Variants in DNER observed in about 807,000 individuals in gnomAD.
The protein encoded by DNER is delta and Notch-like epidermal growth factor-related receptor.
In DNER, 33 loss-of-function variants were observed where a neutral mutation model predicts 78.2. The ratio of observed to expected loss-of-function variants is 0.42; its 90% confidence interval spans 0.32 to 0.56. The LOEUF is 0.56. DNER is among the 20% of genes least tolerant of loss of function. The pLI is 0.11. For synonymous variants in DNER, 417 were observed against 384.8 expected, an observed-to-expected ratio of 1.08 and a Z score of -0.98; for missense variants, 918 against 975.3, an observed-to-expected ratio of 0.94 and a Z score of 0.78.
intron 1 of DNER, among the ~76,000 whole-genome samples, chr2:229,668,418 TTATATA>T (rs59207662): frequency 0.11 from 14,633 of 132,244 alleles, 1,835 homozygotes; most frequent in African/African-American, 0.3. Context: ...AAATATTCTT[TTATATA>T]TATATATATA....
chr2:229,633,867 CCTT>C (rs1291566538), intron 1 of DNER, among the ~76,000 whole-genome samples: 4 of 152,340 alleles, frequency 2.6e-5, no homozygotes, highest in East Asian at 1.9e-4. Context: ...CCTCTAGACT[CCTT>C]CTCTGAAGGT....
chr2:229,649,585 C>T (rs1698775836), intron 1 of DNER, among the ~76,000 whole-genome samples: 1 of 152,178 alleles, frequency 6.6e-6, no homozygotes, highest in Non-Finnish European at 1.5e-5. Flanking sequence ...TATGAGTTGG[C>T]TCCATCACAC....
intron 1 of DNER, among the ~76,000 whole-genome samples, chr2:229,678,459 C>A (rs1242361376): frequency 1.3e-5 from 2 of 152,124 alleles, no homozygotes; most frequent in Non-Finnish European, 2.9e-5. Flanking sequence ...TATTTTAATG[C>A]AGAAATTAGC....
At chr2:229,647,596 T>C (rs1304902698) in intron 1 of DNER, among the ~76,000 whole-genome samples, 1 of 152,240 alleles carries the variant, frequency 6.6e-6, no homozygotes, top group African/African-American at 2.4e-5. Flanking sequence ...AAGGTTTTTA[T>C]ATAAAGACAG....
intron 1 of DNER, among the ~76,000 whole-genome samples, chr2:229,642,664 T>G (rs1408453218): frequency 6.6e-6 from 1 of 152,122 alleles, no homozygotes; most frequent in Admixed American, 6.5e-5. Flanking sequence ...GTAAGGAGAT[T>G]GTGTAAAAAG....
intron 1 of DNER, among the ~76,000 whole-genome samples, chr2:229,604,475 G>T (rs1697895708): frequency 6.6e-6 from 1 of 152,116 alleles, no homozygotes; most frequent in South Asian, 2.1e-4. Context: ...ATCCTTAAGA[G>T]AAGTTGGAGA....
intron 8 of DNER, among the ~76,000 whole-genome samples, chr2:229,424,868 C>T (rs1693840449): frequency 1.3e-5 from 2 of 152,156 alleles, no homozygotes; most frequent in South Asian, 4.1e-4. Flanking sequence ...AGTCGCATCC[C>T]TGACCTCTAC....
intron 10 of DNER, among the ~76,000 whole-genome samples, chr2:229,400,612 C>A (rs915480323): frequency 6.6e-6 from 1 of 151,992 alleles, no homozygotes; most frequent in South Asian, 2.1e-4. Context: ...TAGGAGCCAA[C>A]TGAAAGAACT....
Position 229,625,925 on chromosome 2 carries a change from T to C in DNER, c.277-34037A>G, listed in dbSNP as rs541835281. Reference sequence around the variant, plus strand: ...TGTTGTTGTTGTTGTTGTTTGTTTTTTGTTTTTTTTTTGAGATGGAGTCTC... The same window carrying C: ...TGTTGTTGTTGTTGTTGTTTGTTTTCTGTTTTTTTTTTGAGATGGAGTCTC... On this transcript the variant is annotated intron_variant, in intron 1 of 12. Transcript: ENST00000341772. Among the ~76,000 whole-genome samples the C allele has an allele frequency of 3.9e-3, 586 of 150,800 alleles. 3 individuals are homozygous for C. The highest frequency in any genetic ancestry group is 0.013 in the African/African-American group (549 of 41,042).
intron 12 of DNER, among the ~76,000 whole-genome samples, chr2:229,365,937 T>C (rs1332714424): frequency 6.6e-6 from 1 of 152,232 alleles, no homozygotes; most frequent in Non-Finnish European, 1.5e-5. Flanking sequence ...AATATTGCTA[T>C]TTTTGGAACA....
intron 10 of DNER, among the ~76,000 whole-genome samples, chr2:229,406,786 C>A (rs1693394419): frequency 6.6e-6 from 1 of 151,176 alleles, no homozygotes; most frequent in Non-Finnish European, 1.5e-5. Context: ...AGTCCTGCCC[C>A]GCCAATCTCG....
intron 1 of DNER, among the ~76,000 whole-genome samples, chr2:229,638,212 A>G (rs1372649770): frequency 6.6e-6 from 1 of 152,230 alleles, no homozygotes; most frequent in African/African-American, 2.4e-5. Flanking sequence ...AATATTTTAT[A>G]GACAGTCTAA....
intron 5 of DNER, among the ~76,000 whole-genome samples, chr2:229,536,815 G>C (rs764131140): frequency 6.6e-6 from 1 of 152,022 alleles, no homozygotes; most frequent in Non-Finnish European, 1.5e-5. Flanking sequence ...GTGTGAAATC[G>C]GGCCACACAC....
intron 1 of DNER, among the ~76,000 whole-genome samples, chr2:229,652,253 G>A (rs968126470): frequency 6.6e-6 from 1 of 152,110 alleles, no homozygotes; most frequent in Non-Finnish European, 1.5e-5. Context: ...AGCTAGGTTG[G>A]CCACGCAGAC....
intron 12 of DNER, among the ~76,000 whole-genome samples, chr2:229,359,223 C>G (rs1692159138): frequency 6.6e-6 from 1 of 152,154 alleles, no homozygotes; most frequent in Non-Finnish European, 1.5e-5. Flanking sequence ...GAATCCCACC[C>G]ACCTATCACC....
At chr2:229,373,967 A>G (rs1334530929) in intron 11 of DNER, among the ~76,000 whole-genome samples, 8 of 152,138 alleles carry the variant, frequency 5.3e-5, no homozygotes, top group Admixed American at 5.2e-4. Flanking sequence ...GGAGTTCCAG[A>G]CCAGCCTGGC....
intron 1 of DNER, among the ~76,000 whole-genome samples, chr2:229,700,284 A>ATGTGTG (rs74181354): frequency 1.0e-3 from 37 of 36,580 alleles, no homozygotes; most frequent in Middle Eastern, 0.017. Context: ...ATGTCAATAT[A>ATGTGTG]TGTGTGTGTG....
At chr2:229,597,469 G>A (rs927686058) in intron 1 of DNER, among the ~76,000 whole-genome samples, 7 of 152,128 alleles carry the variant, frequency 4.6e-5, no homozygotes, top group African/African-American at 1.7e-4. Flanking sequence ...TGCAGAGGTC[G>A]CATCTGCTCT....
chr2:229,502,546 A>C (rs1331350051), intron 6 of DNER, among the ~76,000 whole-genome samples: 1 of 152,150 alleles, frequency 6.6e-6, no homozygotes, highest in Admixed American at 6.5e-5. Context: ...GGGGAGCTAC[A>C]AATAGGTCTT....
Sources: gnomAD v4.1 joint callset for allele counts (sites outside exome capture counted in the v4.1 genomes callset) on GRCh38, gnomAD v4.1.1 for gene constraint, MANE v1.5 for transcripts, NCBI Gene and HGNC (gene_info 2026-07-23, HGNC 2026-07-21) for gene names.